GALNTL6: variants seen among roughly 807,000 people sequenced by gnomAD.
The protein encoded by GALNTL6 is polypeptide N-acetylgalactosaminyltransferase-like 6.
GALNTL6 carries 46 observed loss-of-function variants against 73.7 expected under a neutral mutation model. The observed-to-expected ratio is 0.62, with a 90% CI of 0.49 to 0.80. The LOEUF (loss-of-function observed/expected upper bound fraction) is 0.80. Ranked by LOEUF, GALNTL6 falls within the 30% of genes least tolerant of loss-of-function variation. The pLI is 0.00. For synonymous variants in GALNTL6, 259 were observed against 263.7 expected (o/e 0.98, Z 0.17); for missense variants, 604 against 755.0 (o/e 0.80, Z 2.34).
At chr4:172,632,690 T>G (rs1369544488) in intron 5 of GALNTL6, among the ~76,000 whole-genome samples, 2 of 152,170 alleles carry the variant, frequency 1.3e-5, no homozygotes, top group African/African-American at 4.8e-5. Flanking sequence ...GAGCCAAATG[T>G]TAATCACCAA....
intron 5 of GALNTL6, among the ~76,000 whole-genome samples, chr4:172,687,456 C>T (rs982184872): frequency 6.6e-6 from 1 of 151,712 alleles, no homozygotes; most frequent in East Asian, 1.9e-4. Context: ...AGTGAAACCC[C>T]GTCTCTACTA....
At chr4:171,873,923 T>A (rs1485505618) in intron 2 of GALNTL6, among the ~76,000 whole-genome samples, 1 of 152,098 alleles carries the variant, frequency 6.6e-6, no homozygotes, top group Non-Finnish European at 1.5e-5. Context: ...AATCTTTCAA[T>A]TTGAGGGAAA....
At chr4:172,659,557 A>G (rs1039877839) in intron 5 of GALNTL6, among the ~76,000 whole-genome samples, 6 of 151,396 alleles carry the variant, frequency 4.0e-5, no homozygotes, top group African/African-American at 1.5e-4. Flanking sequence ...GCCTCTGGTA[A>G]CCACCATTTA....
intron 5 of GALNTL6, among the ~76,000 whole-genome samples, chr4:172,475,222 A>G (rs191626229): frequency 1.3e-5 from 2 of 152,316 alleles, no homozygotes; most frequent in East Asian, 3.9e-4. Context: ...TTATTTGGGA[A>G]ACCAAAATGA....
chr4:172,088,828 G>T (rs1479041099), intron 2 of GALNTL6, among the ~76,000 whole-genome samples: 1 of 152,164 alleles, frequency 6.6e-6, no homozygotes, highest in African/African-American at 2.4e-5. Flanking sequence ...CAGGGTAGGG[G>T]AGAGGCCAGA....
chr4:172,203,944 C>G (rs1030885786), intron 2 of GALNTL6, among the ~76,000 whole-genome samples: 3 of 152,004 alleles, frequency 2.0e-5, no homozygotes, highest in African/African-American at 7.2e-5. Flanking sequence ...CGGTGTTTCT[C>G]CATGTTGGTC....
At chr4:171,994,865 C>T (rs6847978) in intron 2 of GALNTL6, among the ~76,000 whole-genome samples, 101,379 of 151,714 alleles carry the variant, frequency 0.67, 36,458 homozygotes, top group Non-Finnish European at 0.8. Context: ...AAATTTGCAA[C>T]GAGGAAAATA....
chr4:172,801,964 C>T (rs1740673514), intron 5 of GALNTL6, among the ~76,000 whole-genome samples: 1 of 152,102 alleles, frequency 6.6e-6, no homozygotes, highest in Non-Finnish European at 1.5e-5. Flanking sequence ...AATATATTTT[C>T]CCACTGAATT....
At chr4:172,146,995 A>G (rs1438338722) in intron 2 of GALNTL6, among the ~76,000 whole-genome samples, 2 of 152,194 alleles carry the variant, frequency 1.3e-5, no homozygotes, top group Non-Finnish European at 2.9e-5. Flanking sequence ...GGGATTGTTG[A>G]AGTAGACTGT....
chr4:172,602,585 T>A (rs1738103531), intron 5 of GALNTL6, among the ~76,000 whole-genome samples: 1 of 152,070 alleles, frequency 6.6e-6, no homozygotes, highest in Admixed American at 6.6e-5. Flanking sequence ...AATATGAAAA[T>A]GCTCAGTTAA....
At chr4:172,206,579 G>A (rs917567377) in intron 2 of GALNTL6, among the ~76,000 whole-genome samples, 1 of 152,012 alleles carries the variant, frequency 6.6e-6, no homozygotes, top group African/African-American at 2.4e-5. Flanking sequence ...GTGACAGAGG[G>A]CACCTACTTT....
chr4:172,303,896 T>A (rs1287949217), intron 3 of GALNTL6, among the ~76,000 whole-genome samples: 1 of 152,138 alleles, frequency 6.6e-6, no homozygotes, highest in Non-Finnish European at 1.5e-5. Flanking sequence ...ATGTGTCCCA[T>A]CTCATTGTGA....
In GALNTL6 at chr4:172,824,635, T is replaced by C. The variant is rs371852476; in HGVS notation, c.923+10912T>C. 8.5e-5 allele frequency among the ~76,000 whole-genome samples: 13 copies of C among 152,220 alleles called. No homozygotes were observed. The East Asian group carries it at 1.7e-3, about 20-fold the overall frequency. ...ATAGGAGTGAAAAAGAAACAAAATCTGGCTTTGAGTCTATGCTGCTGTCTT... is the reference window on the plus strand; with the variant it reads ...ATAGGAGTGAAAAAGAAACAAAATCCGGCTTTGAGTCTATGCTGCTGTCTT... On this transcript the variant is annotated intron_variant, in intron 7 of 12. Transcript: ENST00000506823.
At chr4:172,280,573 TTA>T (rs1473854857) in intron 3 of GALNTL6, among the ~76,000 whole-genome samples, 2 of 151,946 alleles carry the variant, frequency 1.3e-5, no homozygotes, top group Non-Finnish European at 1.5e-5. Context: ...AATTATTTAA[TTA>T]TATATATACT....
intron 5 of GALNTL6, among the ~76,000 whole-genome samples, chr4:172,424,698 A>G (rs904956755): frequency 2.6e-5 from 4 of 152,012 alleles, no homozygotes; most frequent in African/African-American, 7.2e-5. Context: ...TCAATATCCA[A>G]CTGGCAGAGA....
intron 5 of GALNTL6, among the ~76,000 whole-genome samples, chr4:172,420,448 A>C (rs1731010888): frequency 6.6e-6 from 1 of 152,222 alleles, no homozygotes; most frequent in Non-Finnish European, 1.5e-5. Flanking sequence ...CAGGAAGTTA[A>C]AGGGGAATGT....
At chr4:172,051,735 G>C (rs1730877853) in intron 2 of GALNTL6, among the ~76,000 whole-genome samples, 2 of 152,168 alleles carry the variant, frequency 1.3e-5, no homozygotes, top group African/African-American at 4.8e-5. Context: ...CAACTTTTGG[G>C]CATGAAAATA....
At chr4:172,691,618 A>T (rs907551475) in intron 5 of GALNTL6, among the ~76,000 whole-genome samples, 1 of 152,184 alleles carries the variant, frequency 6.6e-6, no homozygotes, top group African/African-American at 2.4e-5. Flanking sequence ...GCCCACAGAG[A>T]TGGTCAGGCA....
intron 2 of GALNTL6, among the ~76,000 whole-genome samples, chr4:172,214,058 C>G (rs993710522): frequency 6.6e-6 from 1 of 152,164 alleles, no homozygotes; most frequent in African/African-American, 2.4e-5. Flanking sequence ...TACAGACTCT[C>G]CTTTCTCCAC....
Sources: allele counts gnomAD v4.1 joint callset (sites outside exome capture counted in the v4.1 genomes callset), GRCh38; gene constraint gnomAD v4.1.1; transcripts MANE v1.5; gene names NCBI Gene and HGNC (gene_info 2026-07-23, HGNC 2026-07-21).